ACOX2: variants seen among roughly 807,000 people sequenced by gnomAD.
The protein encoded by ACOX2 is peroxisomal acyl-coenzyme A oxidase 2.
A neutral mutation model predicts 77.5 loss-of-function variants in ACOX2; 59 were observed. The observed-to-expected ratio is 0.76, with a 90% CI of 0.62 to 0.95. The LOEUF is 0.95. Among genes scored for constraint, ACOX2 ranks in the 40% least tolerant of loss-of-function variants. The pLI, the probability that ACOX2 is intolerant of heterozygous loss-of-function variation, is 0.00. For missense variants in ACOX2, 837 were observed against 880.4 expected (o/e 0.95, Z 0.62); for synonymous variants, 317 against 340.1 (o/e 0.93, Z 0.75).
Position 58,526,830 on chromosome 3 carries a change from CACCCA to C in ACOX2, c.1156-179_1156-175del. 1.5e-6 allele frequency: 1 copy of C among 650,306 alleles called. No individual in the cohort carries two copies. Among genetic ancestry groups the C allele is most frequent in the Non-Finnish European group, 2.6e-6 (1 of 388,412 alleles). 40.3% of individuals were successfully genotyped at this position (650,306 alleles called of 1,614,324 possible). The stretch of plus-strand genomic sequence containing the variant: ...AGGCGGGTACTCAGCTTATGTGACT[CACCCA>C]GAGGCACACAATTAGGCAATGTAGC... On this transcript the variant is annotated intron_variant, in intron 9 of 14. Coordinates refer to ENST00000302819, the MANE Select transcript of ACOX2 (RefSeq NM_003500.4). This position sits in a 1 kb window ranked among gnomAD's most constrained non-coding sequence, Gnocchi z 4.3.
At position 58,524,517 on chromosome 3, in the gene ACOX2, C is replaced by T. The variant is rs759724683; in HGVS notation, c.1435G>A (p.Ala479Thr). 1.5e-5 allele frequency: 25 copies of T among 1,614,020 alleles called. No homozygotes were observed. Among genetic ancestry groups the T allele is most frequent in the Admixed American group, 3.3e-5 (2 of 60,004 alleles). Reference protein sequence around the residue: ...SLSPSVAYLTAPDLARCPAQR... With the variant: ...SLSPSVAYLTTPDLARCPAQR... ...GCTGGACACCTGGCCAGGTCAGGTG[C>T]GGTGAGATATGCGACAGATGGAGAG... Residue 479 changes from alanine to threonine, a missense_variant, in exon 11 of 15, where the codon GCA becomes ACA. By Grantham distance (58) the Ala-to-Thr change is moderately conservative. Coordinates refer to ENST00000302819, the MANE Select transcript of ACOX2 (RefSeq NM_003500.4). The surrounding 1 kb of genome is among the most constrained non-coding windows in gnomAD (Gnocchi z 5.5).
In ACOX2 at chr3:58,533,899, G is replaced by A. The variant is rs116092747; in HGVS notation, c.475+95C>T. The A allele has an allele frequency of 2.5e-3, 3,707 of 1,466,842 alleles. 70 individuals carry two copies. In the African/African-American group the frequency reaches 0.044, roughly 18 times the overall value. 90.9% of individuals were successfully genotyped at this position (1,466,842 alleles called of 1,614,324 possible). ...TTTTCTTATTAAACATATGTCCCTC[G>A]GAGCATATGAACCTATGACTACCTA... On this transcript the variant is annotated intron_variant, in intron 4 of 14. Transcript: ENST00000302819. The surrounding 1 kb of genome is among the most constrained non-coding windows in gnomAD (Gnocchi z 5.6).
In ACOX2 at chr3:58,533,496, A is replaced by G; in HGVS notation, c.532T>C (p.Phe178Leu). ...EATYDAATQE[F>L]VIHSPTLTAT... is the part of the protein sequence containing the mutation. ...GTCAGCGTGGGGCTGTGTATCACAA[A>G]CTCCTGGGTGGCTGCGTCATAGGTG... Residue 178 changes from phenylalanine to leucine, a missense_variant, in exon 5 of 15, where the codon TTT becomes CTT. Transcript: ENST00000302819. This position sits in a 1 kb window ranked among gnomAD's most constrained non-coding sequence, Gnocchi z 5.6. The G allele has an allele frequency of 6.2e-7, 1 of 1,613,514 alleles. No homozygotes were observed. The highest frequency in any genetic ancestry group is 8.5e-7 in the Non-Finnish European group (1 of 1,179,840).
chr3:58,522,778 C>T lies in ACOX2; in HGVS notation c.1527-177G>A, dbSNP rs1298740051. Among the ~76,000 whole-genome samples the T allele has an allele frequency of 4.6e-5, 7 of 152,200 alleles. No individual in the cohort carries two copies. The East Asian group carries it at 1.2e-3, about 25-fold the overall frequency. On this transcript the variant is annotated intron_variant, in intron 11 of 14. Transcript: ENST00000302819. The surrounding 1 kb of genome is among the most constrained non-coding windows in gnomAD (Gnocchi z 4.3). ...AACTCTTTTAAGGGCAGGCACCCCC[C>T]AGTTTGCAATGGGGAAAACTGAGTC...
At chr3:58,520,436 C>G (rs781599930) in intron 12 of ACOX2, among the ~76,000 whole-genome samples, 22 of 152,230 alleles carry the variant, frequency 1.4e-4, no homozygotes, top group Non-Finnish European at 2.6e-4. Flanking sequence ...AATTATAGGA[C>G]CACGGCCTGA....
intron 12 of ACOX2, among the ~76,000 whole-genome samples, chr3:58,520,525 A>G (rs1307707216): frequency 6.6e-6 from 1 of 152,260 alleles, no homozygotes; most frequent in Non-Finnish European, 1.5e-5. Flanking sequence ...GGGCTGCTTG[A>G]GGTCACACAG....
Position 58,534,893 on chromosome 3 carries a change from A to T in ACOX2, c.160+54T>A, listed in dbSNP as rs879227377. ...GAACTGCTAATGAAGGACTCTTCTTACAAGAGAAGCATGGGGCATAAAACA... is the reference window on the plus strand; with the variant it reads ...GAACTGCTAATGAAGGACTCTTCTTTCAAGAGAAGCATGGGGCATAAAACA... On this transcript the variant is annotated intron_variant, in intron 2 of 14. Coordinates refer to ENST00000302819, the MANE Select transcript of ACOX2 (RefSeq NM_003500.4). This position sits in a 1 kb window ranked among gnomAD's most constrained non-coding sequence, Gnocchi z 4.8. The T allele has an allele frequency of 1.9e-6, 3 of 1,609,294 alleles. No homozygotes were observed. In the South Asian group the frequency reaches 3.3e-5, roughly 18 times the overall value.
Position 58,531,817 on chromosome 3 carries a change from G to A in ACOX2, c.584-5C>T, listed in dbSNP as rs1577000920. 2.5e-6 allele frequency: 4 copies of A among 1,612,124 alleles called. No homozygotes were observed. Among genetic ancestry groups the A allele is most frequent in the African/African-American group, 1.3e-5 (1 of 74,868 alleles). On this transcript the variant is annotated splice_polypyrimidine_tract_variant and splice_region_variant and intron_variant, in intron 5 of 14. Coordinates refer to ENST00000302819, the MANE Select transcript of ACOX2 (RefSeq NM_003500.4). This position sits in a 1 kb window ranked among gnomAD's most constrained non-coding sequence, Gnocchi z 5.8. ...CATGGGTGGCTGACCGTCCCACTGA[G>A]GGCAGAGAGAGTAGCGGCCCGTCAC... is the stretch of plus-strand genomic sequence containing the variant.
intron 5 of ACOX2, among the ~76,000 whole-genome samples, chr3:58,532,455 G>A (rs939114927): frequency 6.6e-6 from 1 of 151,616 alleles, no homozygotes; most frequent in Non-Finnish European, 1.5e-5. Flanking sequence ...GCCTGAGCTC[G>A]GCTCATTGCA....
chr3:58,513,307 G>A (rs1398440848), intron 13 of ACOX2, among the ~76,000 whole-genome samples: 1 of 152,158 alleles, frequency 6.6e-6, no homozygotes, highest in African/African-American at 2.4e-5. Context: ...TTCATTTGAG[G>A]AATGTTTTCT....
Position 58,535,093 on chromosome 3 carries a change from A to C in ACOX2, c.14T>G (p.Val5Gly). MGSP[V>G]HRVSLGDTWS... ...GGTATCCCCCAATGACACTCGGTGC[A>C]CTGGGCTGCCCATCCTATCCTGGAT... The change falls in exon 2 of 15, where the codon GTG becomes GGG. Residue 5 changes from valine (V) to glycine (G), a missense_variant. Physicochemically the swap from Val to Gly is moderately radical, Grantham distance 109 (BLOSUM62 -3). Coordinates refer to ENST00000302819, the MANE Select transcript of ACOX2 (RefSeq NM_003500.4). This position sits in a 1 kb window ranked among gnomAD's most constrained non-coding sequence, Gnocchi z 4.8. 2 of 1,614,180 alleles carry C rather than the reference A, an allele frequency of 1.2e-6. No individual in the cohort carries two copies. Among genetic ancestry groups the C allele is most frequent in the Non-Finnish European group, 1.7e-6 (2 of 1,180,034 alleles).
chr3:58,534,770 G>C lies in ACOX2; in HGVS notation c.160+177C>G. 7.4e-7 allele frequency: 1 copy of C among 1,345,722 alleles called. No homozygotes were observed. The highest frequency in any genetic ancestry group is 1.0e-6 in the Non-Finnish European group (1 of 961,328). 83.4% of individuals were successfully genotyped at this position (1,345,722 alleles called of 1,614,324 possible). ...TAGGACTCTTCTATCCCCTAGGTGGGCTCAGGCAATATTGACATGTGAAGA... is the reference window on the plus strand; with the variant it reads ...TAGGACTCTTCTATCCCCTAGGTGGCCTCAGGCAATATTGACATGTGAAGA... On this transcript the variant is annotated intron_variant, in intron 2 of 14. Transcript: ENST00000302819. This position sits in a 1 kb window ranked among gnomAD's most constrained non-coding sequence, Gnocchi z 4.8.
In ACOX2 at chr3:58,514,431, A is replaced by C. The variant is rs978553410; in HGVS notation, c.1850+2775T>G. Among the ~76,000 whole-genome samples the C allele has an allele frequency of 1.1e-4, 16 of 152,196 alleles. No homozygotes were observed. The highest frequency in any genetic ancestry group is 2.2e-4 in the Non-Finnish European group (15 of 68,028). On this transcript the variant is annotated intron_variant, in intron 13 of 14. Transcript: ENST00000302819. The surrounding 1 kb of genome is among the most constrained non-coding windows in gnomAD (Gnocchi z 4.3). Reference sequence around the variant, plus strand: ...GTTTTATGACCGCTTAAACAACTAAAAACTGTTTGGGTCAGTTAACATTGC... The same window carrying C: ...GTTTTATGACCGCTTAAACAACTAACAACTGTTTGGGTCAGTTAACATTGC...
chr3:58,533,699 T>C lies in ACOX2; in HGVS notation c.476-147A>G, dbSNP rs2108011898. 2.7e-6 allele frequency: 2 copies of C among 739,708 alleles called. No homozygotes were observed. Among genetic ancestry groups the C allele is most frequent in the East Asian group, 2.7e-5 (1 of 37,180 alleles). 45.8% of individuals were successfully genotyped at this position (739,708 alleles called of 1,614,324 possible). On this transcript the variant is annotated intron_variant, in intron 4 of 14. Transcript: ENST00000302819. This position sits in a 1 kb window ranked among gnomAD's most constrained non-coding sequence, Gnocchi z 5.6. ...GCTGTACTTGCAGGCAGTTCTCCCC[T>C]TTCATCTGTGGGCTGTGTGTGGGAC...
chr3:58,534,169 T>C lies in ACOX2; in HGVS notation c.324-24A>G, dbSNP rs2063461945. 1.9e-6 allele frequency: 3 copies of C among 1,613,206 alleles called. No homozygotes were observed. The highest frequency in any genetic ancestry group is 2.7e-5 in the African/African-American group (2 of 74,836). On this transcript the variant is annotated intron_variant, in intron 3 of 14. Coordinates refer to ENST00000302819, the MANE Select transcript of ACOX2 (RefSeq NM_003500.4). This position sits in a 1 kb window ranked among gnomAD's most constrained non-coding sequence, Gnocchi z 4.8. ...CTCTGTTGGGGAGAGATGCTGTAGT[T>C]GAGTAGCTTATTGGAGACAGGGGCC...
chr3:58,527,880 T>TG (rs1015625173), intron 9 of ACOX2, among the ~76,000 whole-genome samples: 1 of 151,390 alleles, frequency 6.6e-6, no homozygotes, highest in African/African-American at 2.4e-5. Context: ...TTTTTTTTTT[T>TG]TGTGGAGACG....
chr3:58,508,349 A>T (rs1224089540), intron 14 of ACOX2, among the ~76,000 whole-genome samples: 1 of 152,118 alleles, frequency 6.6e-6, no homozygotes, highest in Non-Finnish European at 1.5e-5. Flanking sequence ...TTCCTGGGCT[A>T]CTAATGGCAG....
rs2063469443 is a variant in ACOX2, at chr3:58,534,872, T to A, written c.160+75A>T. 4 of 1,593,044 alleles carry A rather than the reference T, an allele frequency of 2.5e-6. No individual in the cohort carries two copies. In the Admixed American group the frequency reaches 5.1e-5, roughly 20 times the overall value. ...AAAGTTTGTTATTTGGAAGCAGAAC[T>A]GCTAATGAAGGACTCTTCTTACAAG... On this transcript the variant is annotated intron_variant, in intron 2 of 14. Transcript: ENST00000302819. The surrounding 1 kb of genome is among the most constrained non-coding windows in gnomAD (Gnocchi z 4.8).
chr3:58,526,139 T>C lies in ACOX2; in HGVS notation c.1346+327A>G, dbSNP rs975812706. Among the ~76,000 whole-genome samples, 2 of 152,154 alleles carry C rather than the reference T, an allele frequency of 1.3e-5. No individual in the cohort carries two copies. Among genetic ancestry groups the C allele is most frequent in the Non-Finnish European group, 2.9e-5 (2 of 68,020 alleles). The stretch of plus-strand genomic sequence containing the variant: ...CAGCATAGAATATGTCATTTTCCTA[T>C]GAGCACTGGGAAGCCGTTGAAGAAT... On this transcript the variant is annotated intron_variant, in intron 10 of 14. Transcript: ENST00000302819. The surrounding 1 kb of genome is among the most constrained non-coding windows in gnomAD (Gnocchi z 4.3).
Sources: gnomAD v4.1 joint callset for allele counts (sites outside exome capture counted in the v4.1 genomes callset) on GRCh38, gnomAD v4.1.1 for gene constraint, Gnocchi (gnomAD v3.1) non-coding constraint, MANE v1.5 for transcripts, NCBI Gene and HGNC (gene_info 2026-07-23, HGNC 2026-07-21) for gene names.